The following LRRC1 variants were observed in gnomAD, a reference collection of about 807,000 sequenced individuals.
LRRC1 encodes leucine-rich repeat-containing protein 1.
In LRRC1, 28 loss-of-function variants were observed where a neutral mutation model predicts 69.9. The observed-to-expected ratio is 0.40, with a 90% CI of 0.30 to 0.55. The LOEUF (loss-of-function observed/expected upper bound fraction) is 0.55, where lower values mean the gene tolerates loss of function less well. Ranked by LOEUF, LRRC1 falls within the 20% of genes least tolerant of loss-of-function variation. The pLI is 0.47. For synonymous variants in LRRC1, 236 were observed against 240.2 expected, an observed-to-expected ratio of 0.98 and a Z score of 0.16; for missense variants, 498 against 609.0, an observed-to-expected ratio of 0.82 and a Z score of 1.92.
At chr6:53,888,956 A>G (rs142389497) in intron 4 of LRRC1, among the ~76,000 whole-genome samples, 90 of 152,338 alleles carry the variant, frequency 5.9e-4, no homozygotes, top group African/African-American at 2.1e-3. Flanking sequence ...TGTAAATCAT[A>G]TATCTTATCA....
intron 3 of LRRC1, among the ~76,000 whole-genome samples, chr6:53,881,990 G>T (rs947068431): frequency 1.3e-5 from 2 of 152,102 alleles, no homozygotes; most frequent in Non-Finnish European, 2.9e-5. Context: ...CCTTTGTGTA[G>T]AACATAGTAA....
intron 1 of LRRC1, among the ~76,000 whole-genome samples, chr6:53,820,340 G>A (rs528997859): frequency 6.6e-6 from 1 of 150,380 alleles, no homozygotes; most frequent in South Asian, 2.1e-4. Flanking sequence ...GATGTGAAGT[G>A]GAAAAAAGTC....
Position 53,878,973 on chromosome 6 carries a change from C to T in LRRC1, c.278-20C>T, listed in dbSNP as rs749664287. On this transcript the variant is annotated intron_variant, in intron 2 of 13. Coordinates refer to ENST00000370888, the MANE Select transcript of LRRC1 (RefSeq NM_018214.5). Reference sequence around the variant, plus strand: ...GTTAATAATGGTGGCAAATTATAGACATTTTCTCTACTCCTGCAGAGATTC... The same window carrying T: ...GTTAATAATGGTGGCAAATTATAGATATTTTCTCTACTCCTGCAGAGATTC... 1 of 1,526,304 alleles carries T rather than the reference C, an allele frequency of 6.6e-7. No homozygotes were observed. Among genetic ancestry groups the T allele is most frequent in the Non-Finnish European group, 9.1e-7 (1 of 1,103,428 alleles). 94.5% of individuals were successfully genotyped at this position (1,526,304 alleles called of 1,614,324 possible).
intron 1 of LRRC1, among the ~76,000 whole-genome samples, chr6:53,806,788 A>C (rs1280512764): frequency 6.6e-6 from 1 of 152,198 alleles, no homozygotes; most frequent in Non-Finnish European, 1.5e-5. Context: ...TCCTGTGGTC[A>C]GTTGTTGATT....
chr6:53,829,235 C>T (rs1271689620), intron 1 of LRRC1, among the ~76,000 whole-genome samples: 2 of 152,204 alleles, frequency 1.3e-5, no homozygotes, highest in Non-Finnish European at 2.9e-5. Flanking sequence ...CAGGTAATCT[C>T]TCTGTGCTTC....
intron 2 of LRRC1, among the ~76,000 whole-genome samples, chr6:53,851,315 C>G (rs1044279255): frequency 1.3e-5 from 2 of 151,856 alleles, no homozygotes; most frequent in Admixed American, 6.6e-5. Flanking sequence ...CTGAGAAATT[C>G]CAGGATTTGC....
chr6:53,871,364 G>T (rs530339281), intron 2 of LRRC1, among the ~76,000 whole-genome samples: 1 of 152,202 alleles, frequency 6.6e-6, no homozygotes, highest in East Asian at 1.9e-4. Context: ...TTGTGGTTTT[G>T]ATTTGCATTT....
chr6:53,899,259 T>C (rs1192083951), intron 7 of LRRC1, among the ~76,000 whole-genome samples: 5 of 152,194 alleles, frequency 3.3e-5, no homozygotes, highest in African/African-American at 9.7e-5. Context: ...TATGTTCCGG[T>C]TTTGCTGGGG....
intron 4 of LRRC1, among the ~76,000 whole-genome samples, chr6:53,887,712 T>G (rs1047865960): frequency 4.6e-5 from 7 of 152,176 alleles, no homozygotes; most frequent in African/African-American, 1.7e-4. Flanking sequence ...GTGTCTCCCC[T>G]CTTTCATGGC....
intron 1 of LRRC1, among the ~76,000 whole-genome samples, chr6:53,814,705 A>G (rs1358439325): frequency 1.3e-5 from 2 of 152,138 alleles, no homozygotes; most frequent in Non-Finnish European, 2.9e-5. Flanking sequence ...AAATTTTCTT[A>G]TTTTCAGACA....
At chr6:53,845,980 C>T (rs1765930911) in intron 2 of LRRC1, among the ~76,000 whole-genome samples, 1 of 152,160 alleles carries the variant, frequency 6.6e-6, no homozygotes, top group African/African-American at 2.4e-5. Flanking sequence ...TCCGGCCATT[C>T]CTTGTTAAAG....
intron 1 of LRRC1, among the ~76,000 whole-genome samples, chr6:53,800,255 T>C (rs922251988): frequency 9.4e-5 from 13 of 138,922 alleles, no homozygotes; most frequent in East Asian, 8.3e-4. Context: ...TTCTTTTTTT[T>C]TTTTTTTTTT....
chr6:53,805,689 A>T (rs1181844882), intron 1 of LRRC1, among the ~76,000 whole-genome samples: 1 of 152,204 alleles, frequency 6.6e-6, no homozygotes, highest in Non-Finnish European at 1.5e-5. Flanking sequence ...TACTCTGTAG[A>T]CAGTGCTGAG....
chr6:53,811,558 G>A (rs192199168), intron 1 of LRRC1, among the ~76,000 whole-genome samples: 83 of 152,348 alleles, frequency 5.4e-4, no homozygotes, highest in Admixed American at 2.0e-3. Context: ...GATAGGAAGG[G>A]TTGACTAAAA....
In LRRC1 at chr6:53,919,593, A is replaced by G; in HGVS notation, c.1202A>G (p.Asp401Gly). 1 of 1,613,888 alleles carries G rather than the reference A, an allele frequency of 6.2e-7. No individual in the cohort carries two copies. The highest frequency in any genetic ancestry group is 8.5e-7 in the Non-Finnish European group (1 of 1,179,932). The change falls in exon 12 of 14, where the codon GAC becomes GGC. Residue 401 changes from aspartate to glycine, a missense_variant. Transcript: ENST00000370888. ...QSQPLLTFQT[D>G]TDYTTGEKIL... ...CAGCCCCTGCTTACATTCCAGACAG[A>G]CACAGACTACACCACAGGAGAGAAG... is the stretch of plus-strand genomic sequence containing the variant.
chr6:53,923,079 G>T lies in LRRC1; in HGVS notation c.*286G>T. 1 of 253,164 alleles carries T rather than the reference G, an allele frequency of 4.0e-6. No homozygotes were observed. The highest frequency in any genetic ancestry group is 7.4e-6 in the Non-Finnish European group (1 of 134,300). 15.7% of individuals were successfully genotyped at this position (253,164 alleles called of 1,614,324 possible). A position where few individuals can be genotyped will look rare whatever the true frequency, so the allele number is the denominator to read the frequency against. On this transcript the variant is annotated 3_prime_UTR_variant, in exon 14 of 14. Coordinates refer to ENST00000370888, the MANE Select transcript of LRRC1 (RefSeq NM_018214.5). ...ACGACCTTTGTTTTTGTCTTATGTT[G>T]GGGTAAAGGAAAGCAGGAAGGGGAA... is the stretch of plus-strand genomic sequence containing the variant.
At chr6:53,876,656 G>A (rs1767079078) in intron 2 of LRRC1, among the ~76,000 whole-genome samples, 1 of 152,198 alleles carries the variant, frequency 6.6e-6, no homozygotes, top group African/African-American at 2.4e-5. Flanking sequence ...CCCCATACAA[G>A]TCTGAAATCC....
At chr6:53,874,144 A>T (rs981898677) in intron 2 of LRRC1, among the ~76,000 whole-genome samples, 2 of 152,206 alleles carry the variant, frequency 1.3e-5, no homozygotes, top group Non-Finnish European at 2.9e-5. Context: ...GCCAGCACTC[A>T]GTGAAATAGA....
At chr6:53,849,552 G>A (rs1766060395) in intron 2 of LRRC1, among the ~76,000 whole-genome samples, 1 of 152,182 alleles carries the variant, frequency 6.6e-6, no homozygotes, top group Non-Finnish European at 1.5e-5. Context: ...AGGTTGGATG[G>A]CATCTTTTTG....
Sources: gnomAD v4.1 joint callset for allele counts (sites outside exome capture counted in the v4.1 genomes callset) on GRCh38, gnomAD v4.1.1 for gene constraint, MANE v1.5 for transcripts, NCBI Gene and HGNC (gene_info 2026-07-23, HGNC 2026-07-21) for gene names.